STK3: variants seen among roughly 807,000 people sequenced by gnomAD.
The protein encoded by STK3 is serine/threonine-protein kinase 3.
STK3 carries 41 observed loss-of-function variants against 58.0 expected under a neutral mutation model. That is an observed-to-expected ratio of 0.71 (90% CI 0.55 to 0.92). The LOEUF is 0.92. Ranked by LOEUF, STK3 falls within the 40% of genes least tolerant of loss-of-function variation. The probability of loss-of-function intolerance (pLI) is 0.00; values close to 1 mark genes in which losing one functional copy is unlikely to be tolerated. For missense variants in STK3, 479 were observed against 602.7 expected, an observed-to-expected ratio of 0.79 and a Z score of 2.15; for synonymous variants, 170 against 191.0, an observed-to-expected ratio of 0.89 and a Z score of 0.91.
chr8:98,937,404 A>G (rs964815708), intron 1 of STK3, among the ~76,000 whole-genome samples: 1 of 152,258 alleles, frequency 6.6e-6, no homozygotes, highest in Non-Finnish European at 1.5e-5. Flanking sequence ...ACTTTCTAAT[A>G]AATGGGCTGG....
chr8:98,569,910 AAT>A (rs1353016422), intron 8 of STK3, among the ~76,000 whole-genome samples: 37 of 149,468 alleles, frequency 2.5e-4, no homozygotes, highest in African/African-American at 5.4e-4. Flanking sequence ...AAAAAAAAAA[AAT>A]ATGTGTGTGT....
At chr8:98,621,858 A>G (rs943984355) in intron 6 of STK3, among the ~76,000 whole-genome samples, 1 of 152,026 alleles carries the variant, frequency 6.6e-6, no homozygotes, top group African/African-American at 2.4e-5. Flanking sequence ...GAAGCTCCGT[A>G]TGGCCAGATG....
intron 10 of STK3, among the ~76,000 whole-genome samples, chr8:98,506,273 G>A (rs900549683): frequency 1.3e-5 from 2 of 152,186 alleles, no homozygotes; most frequent in African/African-American, 2.4e-5. Context: ...TATTTAGGTG[G>A]AGGCATCCCG....
At chr8:98,600,677 G>T (rs903401952) in intron 6 of STK3, among the ~76,000 whole-genome samples, 1 of 152,058 alleles carries the variant, frequency 6.6e-6, no homozygotes. Flanking sequence ...AAAAGTATTT[G>T]TAACAAAGAA....
chr8:98,738,205 C>T (rs1434564074), intron 4 of STK3, among the ~76,000 whole-genome samples: 9 of 152,100 alleles, frequency 5.9e-5, no homozygotes, highest in African/African-American at 9.7e-5. Context: ...AGGCCAGACA[C>T]GGTGGCTCAT....
chr8:98,706,931 T>A (rs1026866153), intron 5 of STK3, among the ~76,000 whole-genome samples: 3 of 152,200 alleles, frequency 2.0e-5, no homozygotes, highest in African/African-American at 4.8e-5. Flanking sequence ...TTAGAACATT[T>A]AAGCATTTTG....
At chr8:98,510,922 G>A (rs1824465189) in intron 10 of STK3, among the ~76,000 whole-genome samples, 1 of 152,024 alleles carries the variant, frequency 6.6e-6, no homozygotes. Flanking sequence ...CTAAAGGGAG[G>A]TGAAAGGCAC....
intron 7 of STK3, among the ~76,000 whole-genome samples, chr8:98,585,428 G>C (rs1387783630): frequency 1.3e-5 from 2 of 151,702 alleles, no homozygotes; most frequent in Admixed American, 1.3e-4. Context: ...TTATTTCTAA[G>C]GGCTCTGTTC....
At chr8:98,733,700 A>G (rs1218487567) in intron 4 of STK3, among the ~76,000 whole-genome samples, 1 of 151,996 alleles carries the variant, frequency 6.6e-6, no homozygotes, top group Non-Finnish European at 1.5e-5. Context: ...TCTTTGCAAA[A>G]CAGAATTTGG....
chr8:98,792,706 A>C (rs954372941), intron 1 of STK3, among the ~76,000 whole-genome samples: 1 of 152,100 alleles, frequency 6.6e-6, no homozygotes, highest in African/African-American at 2.4e-5. Context: ...CGTCTCAAAG[A>C]AAAAAAAGAA....
At chr8:98,403,343 T>C (rs947159800) in intron 3 of STK3, among the ~76,000 whole-genome samples, 5 of 152,204 alleles carry the variant, frequency 3.3e-5, no homozygotes, top group Admixed American at 6.5e-5. Context: ...GTCTCCCCCA[T>C]AGAAGTACCC....
At chr8:98,787,614 G>A (rs781276167) in intron 1 of STK3, among the ~76,000 whole-genome samples, 9 of 152,064 alleles carry the variant, frequency 5.9e-5, no homozygotes, top group Non-Finnish European at 1.2e-4. Flanking sequence ...AAAGATCATC[G>A]CCTAGACACA....
intron 8 of STK3, among the ~76,000 whole-genome samples, chr8:98,577,260 G>A (rs1405432425): frequency 1.3e-5 from 2 of 152,146 alleles, no homozygotes; most frequent in Non-Finnish European, 2.9e-5. Flanking sequence ...GCCGAGGTGG[G>A]TGGAACACCC....
At chr8:98,751,553 G>A (rs973838150) in intron 3 of STK3, among the ~76,000 whole-genome samples, 1 of 152,108 alleles carries the variant, frequency 6.6e-6, no homozygotes, top group African/African-American at 2.4e-5. Context: ...AACTAGGGAG[G>A]TGAAAGATCT....
chr8:98,473,162 C>G (rs1268670159), intron 10 of STK3, among the ~76,000 whole-genome samples: 1 of 152,082 alleles, frequency 6.6e-6, no homozygotes, highest in Non-Finnish European at 1.5e-5. Flanking sequence ...TCTTGTGATT[C>G]TAAATCACAA....
chr8:98,769,016 G>A (rs1238109790), intron 2 of STK3, among the ~76,000 whole-genome samples: 5 of 152,128 alleles, frequency 3.3e-5, no homozygotes, highest in African/African-American at 4.8e-5. Flanking sequence ...TGCTGACTTC[G>A]ACCTTCAACC....
chr8:98,939,864 C>T (rs1011208989), intron 1 of STK3, among the ~76,000 whole-genome samples: 2 of 152,234 alleles, frequency 1.3e-5, no homozygotes, highest in Non-Finnish European at 2.9e-5. Flanking sequence ...CAGAGGGGCC[C>T]GGTGCGGAGA....
chr8:98,942,390 C>T (rs931426481), exon 1 of STK3: 2 of 152,306 alleles, frequency 1.3e-5, no homozygotes, highest in African/African-American at 4.8e-5. Flanking sequence ...TTTCAAGAGA[C>T]CGTAGTCGTG....
intron 3 of STK3, among the ~76,000 whole-genome samples, chr8:98,878,597 G>C (rs1228892870): frequency 6.6e-6 from 1 of 152,098 alleles, no homozygotes; most frequent in Non-Finnish European, 1.5e-5. Flanking sequence ...AGCCTGTGCA[G>C]TCTAACCCTA....
Sources: gnomAD v4.1 joint callset for allele counts (sites outside exome capture counted in the v4.1 genomes callset) on GRCh38, gnomAD v4.1.1 for gene constraint, MANE v1.5 for transcripts, NCBI Gene and HGNC (gene_info 2026-07-23, HGNC 2026-07-21) for gene names.